The following WNT9B variants were observed in gnomAD, a reference collection of about 807,000 sequenced individuals.
WNT9B encodes Wnt family member 9B, also known as protein Wnt-9b.
Under a neutral mutation model 30.2 loss-of-function variants are expected in WNT9B, and 12 were observed. The observed-to-expected ratio is 0.40, with a 90% confidence interval of 0.26 to 0.64. The LOEUF (loss-of-function observed/expected upper bound fraction) is 0.64. WNT9B is among the 30% of genes least tolerant of loss of function. WNT9B has a pLI of 0.42. For synonymous variants in WNT9B, 218 were observed against 216.9 expected (o/e 1.01, Z -0.05); for missense variants, 442 against 485.2 (o/e 0.91, Z 0.84).
chr17:46,853,518 C>T (rs1051932353), intron 1 of WNT9B, among the ~76,000 whole-genome samples: 7 of 151,808 alleles, frequency 4.6e-5, no homozygotes, highest in African/African-American at 9.7e-5. Context: ...ACTATAGGCG[C>T]GTGCCACCAT....
At chr17:46,836,860 T>C (rs1488008564) in intron 1 of WNT9B, among the ~76,000 whole-genome samples, 1 of 152,258 alleles carries the variant, frequency 6.6e-6, no homozygotes, top group Non-Finnish European at 1.5e-5. Context: ...AATAAAGAAT[T>C]TGGGGGATTA....
intron 1 of WNT9B, among the ~76,000 whole-genome samples, chr17:46,869,623 A>C (rs1197412981): frequency 6.6e-6 from 1 of 152,260 alleles, no homozygotes; most frequent in East Asian, 1.9e-4. Context: ...CACATGTCAG[A>C]GGTCATAATC....
chr17:46,876,562 C>T lies in WNT9B; in HGVS notation c.918C>T (p.Ser306=). 2 of 1,613,626 alleles carry T rather than the reference C, an allele frequency of 1.2e-6. No individual in the cohort carries two copies. The highest frequency in any genetic ancestry group is 1.1e-5 in the South Asian group (1 of 91,088). The change falls in exon 4 of 4, where the codon TCC becomes TCT. Residue 306 remains serine (S), a synonymous_variant. Transcript: ENST00000290015. ...CTGGCACAGCAGGTAGGGTGTGCTCCCGGGAGGCCAGCTGCAGCAGCCTGT... is the reference window on the plus strand; with the variant it reads ...CTGGCACAGCAGGTAGGGTGTGCTCTCGGGAGGCCAGCTGCAGCAGCCTGT... ...YSPGTAGRVC[S]REASCSSLCC...
intron 1 of WNT9B, among the ~76,000 whole-genome samples, chr17:46,834,166 G>T (rs897435009): frequency 6.6e-6 from 1 of 152,176 alleles, no homozygotes; most frequent in Non-Finnish European, 1.5e-5. Flanking sequence ...CTACACTCCA[G>T]CCTGGTCGAT....
chr17:46,848,106 T>C (rs1383667037), upstream of WNT9B, among the ~76,000 whole-genome samples: 4 of 152,102 alleles, frequency 2.6e-5, no homozygotes, highest in African/African-American at 9.7e-5. Context: ...AGAATGCTTC[T>C]CTTGCATACC....
chr17:46,855,960 C>T (rs1348707933), intron 1 of WNT9B, among the ~76,000 whole-genome samples: 1 of 152,126 alleles, frequency 6.6e-6, no homozygotes, highest in Non-Finnish European at 1.5e-5. Context: ...AACTGCTGGG[C>T]TTATAGGTGT....
intron 2 of WNT9B, 75 bp from the exon 3 acceptor site, chr17:46,875,026 A>C: frequency 6.2e-7 from 1 of 1,610,558 alleles, no homozygotes; most frequent in African/African-American, 1.3e-5. Context: ...AGAGGGCGGC[A>C]GGCAACCTCT....
At chr17:46,874,139 G>A (rs941746433) in intron 2 of WNT9B, among the ~76,000 whole-genome samples, 2 of 152,140 alleles carry the variant, frequency 1.3e-5, no homozygotes, top group Non-Finnish European at 2.9e-5. Flanking sequence ...TGGAGGGCAG[G>A]CAGGAAGTAG....
At chr17:46,833,197 C>A, upstream of WNT9B, 1 of 393,262 alleles carries the variant, frequency 2.5e-6, no homozygotes, top group Non-Finnish European at 5.1e-6. Context: ...GCACAGAGGA[C>A]GTCAGCAAAC....
intron 1 of WNT9B, among the ~76,000 whole-genome samples, chr17:46,845,485 ATTTTTTTTT>A (rs34586359): frequency 8.2e-6 from 1 of 121,382 alleles, no homozygotes; most frequent in Non-Finnish European, 1.7e-5. Context: ...AGTTATCTGA[ATTTTTTTTT>A]TTTTTTTTTT....
intron 1 of WNT9B, among the ~76,000 whole-genome samples, chr17:46,869,809 G>A (rs916949203): frequency 6.6e-5 from 10 of 152,108 alleles, no homozygotes; most frequent in African/African-American, 2.4e-4. Flanking sequence ...AACCAGCCTG[G>A]CTAACATGGT....
intron 1 of WNT9B, among the ~76,000 whole-genome samples, chr17:46,834,618 C>T (rs964637796): frequency 1.7e-4 from 26 of 152,272 alleles, no homozygotes; most frequent in African/African-American, 6.3e-4. Flanking sequence ...TCAGCCCTGT[C>T]CCTGAGGCTG....
At chr17:46,869,253 A>G (rs958392485) in intron 1 of WNT9B, among the ~76,000 whole-genome samples, 1 of 152,166 alleles carries the variant, frequency 6.6e-6, no homozygotes, top group Non-Finnish European at 1.5e-5. Flanking sequence ...TGAGCCATCA[A>G]TCTCAGGGTC....
chr17:46,849,107 TG>T (rs2084809332), upstream of WNT9B, among the ~76,000 whole-genome samples: 1 of 152,134 alleles, frequency 6.6e-6, no homozygotes, highest in African/African-American at 2.4e-5. Flanking sequence ...GACAGAAACC[TG>T]GTACAGTTCT....
At chr17:46,882,341 C>T (rs2085434354), downstream of WNT9B, among the ~76,000 whole-genome samples, 1 of 152,154 alleles carries the variant, frequency 6.6e-6, no homozygotes, top group African/African-American at 2.4e-5. Flanking sequence ...CGTGGAATAC[C>T]TCTCAACTGA....
intron 3 of WNT9B, among the ~76,000 whole-genome samples, chr17:46,875,827 AG>A (rs1350925201): frequency 6.6e-6 from 1 of 152,150 alleles, no homozygotes; most frequent in Non-Finnish European, 1.5e-5. Context: ...CAGTAGTGGG[AG>A]GTCTGGAGGG....
downstream of WNT9B, among the ~76,000 whole-genome samples, chr17:46,882,549 C>T (rs2085437153): frequency 6.6e-6 from 1 of 152,098 alleles, no homozygotes; most frequent in African/African-American, 2.4e-5. Context: ...GATTCTCCTG[C>T]CTCAGCCTCT....
upstream of WNT9B, among the ~76,000 whole-genome samples, chr17:46,851,278 C>T (rs556548700): frequency 5.9e-5 from 9 of 152,044 alleles, no homozygotes; most frequent in Admixed American, 2.0e-4. The surrounding 1 kb of genome is among the most constrained non-coding windows in gnomAD (Gnocchi z 4.3). Flanking sequence ...CTCCTCCGTC[C>T]CCGCCTCGTA....
exon 1 of WNT9B, chr17:46,833,220 T>C (rs114484016): frequency 0.015 from 5,940 of 406,590 alleles, 253 homozygotes; most frequent in African/African-American, 0.1. Flanking sequence ...GGAAGCAGCA[T>C]GTGCGTGGAA....
Sources: gnomAD v4.1 joint callset for allele counts (sites outside exome capture counted in the v4.1 genomes callset) on GRCh38, gnomAD v4.1.1 for gene constraint, Gnocchi (gnomAD v3.1) non-coding constraint, MANE v1.5 for transcripts, NCBI Gene and HGNC (gene_info 2026-07-23, HGNC 2026-07-21) for gene names.